The following AHCY variants were observed in gnomAD, a reference collection of about 807,000 sequenced individuals.
AHCY encodes S-adenosyl-L-homocysteine hydrolase.
In AHCY, 24 loss-of-function variants were observed where a neutral mutation model predicts 45.4. The ratio of observed to expected loss-of-function variants is 0.53; its 90% CI spans 0.38 to 0.74. AHCY has a LOEUF of 0.74. Ranked by LOEUF, AHCY falls within the 30% of genes least tolerant of loss-of-function variation. The pLI, the probability that AHCY is intolerant of heterozygous loss-of-function variation, is 0.00. For synonymous variants in AHCY, 245 were observed against 235.1 expected (o/e 1.04, Z -0.39); for missense variants, 449 against 594.1 (o/e 0.76, Z 2.54).
the AHCY span, among the ~76,000 whole-genome samples, chr20:34,259,407 G>C: frequency 2.0e-5 from 3 of 151,946 alleles, no homozygotes; most frequent in Non-Finnish European, 4.4e-5. Context: ...CAGCTACTCT[G>C]GAGGCTGAGG....
intron 9 of AHCY, among the ~76,000 whole-genome samples, chr20:34,283,881 T>C (rs1010701341): frequency 3.3e-5 from 5 of 152,196 alleles, no homozygotes; most frequent in African/African-American, 9.6e-5. Flanking sequence ...AGGGATGGTA[T>C]GTAGACCCCA....
chr20:34,295,199 G>T, intron 2 of AHCY, 196 bp downstream of exon 2: 1 of 728,952 alleles, frequency 1.4e-6, no homozygotes, highest in Non-Finnish European at 2.4e-6. Context: ...CCCAGCCAGG[G>T]AGAAAATCTG....
the AHCY span, among the ~76,000 whole-genome samples, chr20:34,268,374 C>G: frequency 6.6e-6 from 1 of 152,170 alleles, no homozygotes; most frequent in South Asian, 2.1e-4. Context: ...CAAGCAAGGG[C>G]CAAATCTCAA....
the AHCY span, among the ~76,000 whole-genome samples, chr20:34,252,125 C>A: frequency 6.6e-6 from 1 of 152,206 alleles, no homozygotes; most frequent in Admixed American, 6.5e-5. Flanking sequence ...AGGGGGCCTG[C>A]CCCTCCACAC....
At chr20:34,300,167 A>C (rs1368976034) in intron 1 of AHCY, among the ~76,000 whole-genome samples, 1 of 152,190 alleles carries the variant, frequency 6.6e-6, no homozygotes, top group Non-Finnish European at 1.5e-5. Flanking sequence ...CCTGGGTGAG[A>C]GGGAGACTCT....
At chr20:34,284,618 C>A (rs548353488) in intron 9 of AHCY, among the ~76,000 whole-genome samples, 10 of 152,022 alleles carry the variant, frequency 6.6e-5, no homozygotes, top group Middle Eastern at 6.8e-3. Flanking sequence ...ATCAGGAGTT[C>A]GAGACCAGTC....
the AHCY span, among the ~76,000 whole-genome samples, chr20:34,239,132 C>G: frequency 6.6e-6 from 1 of 152,138 alleles, no homozygotes; most frequent in African/African-American, 2.4e-5. Flanking sequence ...TCTTTCCCTG[C>G]TTTTTCTTTT....
At chr20:34,276,898 G>A (rs576505319), downstream of AHCY, among the ~76,000 whole-genome samples, 7 of 152,146 alleles carry the variant, frequency 4.6e-5, no homozygotes, top group South Asian at 4.1e-4. Flanking sequence ...TTCCTAGCTC[G>A]GTCCCCTGGG....
the AHCY span, among the ~76,000 whole-genome samples, chr20:34,256,653 C>G: frequency 6.6e-6 from 1 of 152,102 alleles, no homozygotes; most frequent in Non-Finnish European, 1.5e-5. Flanking sequence ...TGTAGAAATT[C>G]CCATTACAGT....
chr20:34,275,898 C>T (rs2035906904), downstream of AHCY, among the ~76,000 whole-genome samples: 1 of 151,458 alleles, frequency 6.6e-6, no homozygotes, highest in African/African-American at 2.4e-5. Context: ...ATTATGTTGG[C>T]CAGGCTGGTC....
chr20:34,308,564 T>A (rs2036917675), intron 1 of AHCY, among the ~76,000 whole-genome samples: 1 of 152,040 alleles, frequency 6.6e-6, no homozygotes, highest in Non-Finnish European at 1.5e-5. Flanking sequence ...AAAAGAAAAT[T>A]TTTTTTAAGT....
intron 8 of AHCY, among the ~76,000 whole-genome samples, 194 bp from the exon 9 acceptor site, chr20:34,285,828 C>T (rs185954346): frequency 3.6e-4 from 55 of 152,252 alleles, no homozygotes; most frequent in Admixed American, 2.7e-3. Flanking sequence ...GGCCGGGGCA[C>T]GGTGGCTCAC....
Position 34,290,965 on chromosome 20 carries a change from A to T in AHCY, c.559-27T>A. 1 of 1,612,056 alleles carries T rather than the reference A, an allele frequency of 6.2e-7. No homozygotes were observed. Among genetic ancestry groups the T allele is most frequent in the Non-Finnish European group, 8.5e-7 (1 of 1,178,314 alleles). ...TGAAAGGAAAGGGGGTAAGGAGACA[A>T]TAGGGGCAGGCAAGGCCCTGGGGCC... is the stretch of plus-strand genomic sequence containing the variant. On this transcript the variant is annotated intron_variant, in intron 5 of 9. Coordinates refer to ENST00000217426, the MANE Select transcript of AHCY (RefSeq NM_000687.4). The surrounding 1 kb of genome is among the most constrained non-coding windows in gnomAD (Gnocchi z 4.5).
Position 34,292,375 on chromosome 20 carries a change from T to C in AHCY, c.428A>G (p.Tyr143Cys), listed in dbSNP as rs121918608. The change falls in exon 4 of 10, where the codon TAC becomes TGC. Residue 143 changes from tyrosine (Y) to cysteine (C), a missense_variant. Transcript: ENST00000217426. ...GDLTNLIHTK[Y>C]PQLLPGIRGI... ...CTGCTCACCTGGCAGAAGCTGCGGG[T>C]ACTTGGTGTGGATGAGGTTGGTGAG... 1.5e-4 allele frequency: 249 copies of C among 1,613,226 alleles called. No individual in the cohort carries two copies. The highest frequency in any genetic ancestry group is 2.0e-4 in the Non-Finnish European group (238 of 1,180,014).
intron 1 of AHCY, 57 bp from the exon 2 acceptor site, chr20:34,295,642 G>A (rs2036556096): frequency 1.3e-6 from 2 of 1,579,854 alleles, no homozygotes; most frequent in East Asian, 2.3e-5. Context: ...CAACCAAGAG[G>A]GGCGGTCACT....
chr20:34,308,842 C>T (rs1176205834), intron 1 of AHCY, among the ~76,000 whole-genome samples: 2 of 151,588 alleles, frequency 1.3e-5, no homozygotes, highest in African/African-American at 4.8e-5. Flanking sequence ...TTAGTAGAGA[C>T]GGGGTTTCAC....
Position 34,302,114 on chromosome 20 carries a change from C to A in AHCY, c.28+1129G>T, listed in dbSNP as rs530028458. On this transcript the variant is annotated intron_variant, in intron 1 of 9. Transcript: ENST00000217426. ...CTCCCCGGCTCAAACAGTCCTCCTGCCTCAGCCTCCCGAGTAGCTGGGAAT... is the reference window on the plus strand; with the variant it reads ...CTCCCCGGCTCAAACAGTCCTCCTGACTCAGCCTCCCGAGTAGCTGGGAAT... The A allele has an allele frequency of 2.0e-4, 87 of 431,416 alleles. 1 individual carries two copies. In the South Asian group the frequency reaches 7.6e-3, roughly 38 times the overall value. The allele number at this position is 431,416 out of a possible 1,614,324, so 26.7% of individuals were successfully genotyped here. A position where few individuals can be genotyped will look rare whatever the true frequency, so the allele number is the denominator to read the frequency against.
downstream of AHCY, among the ~76,000 whole-genome samples, chr20:34,277,150 AT>A (rs2035915718): frequency 6.6e-6 from 1 of 152,068 alleles, no homozygotes; most frequent in Non-Finnish European, 1.5e-5. Context: ...CTGAAAAGGG[AT>A]CCCAGCACCT....
chr20:34,290,989 C>T lies in AHCY; in HGVS notation c.559-51G>A. 1.9e-6 allele frequency: 3 copies of T among 1,581,206 alleles called. No homozygotes were observed. Among genetic ancestry groups the T allele is most frequent in the South Asian group, 1.1e-5 (1 of 89,860 alleles). On this transcript the variant is annotated intron_variant, in intron 5 of 9. Transcript: ENST00000217426. This position sits in a 1 kb window ranked among gnomAD's most constrained non-coding sequence, Gnocchi z 4.5. ...AATAGGGGCAGGCAAGGCCCTGGGG[C>T]CAGGACAACTTGGCCTCAGAGTATT...
Sources: allele counts gnomAD v4.1 joint callset (sites outside exome capture counted in the v4.1 genomes callset), GRCh38; gene constraint gnomAD v4.1.1; non-coding constraint Gnocchi (gnomAD v3.1); transcripts MANE v1.5; gene names NCBI Gene and HGNC (gene_info 2026-07-23, HGNC 2026-07-21).